The following FMNL1 variants were observed in gnomAD, a reference collection of about 807,000 sequenced individuals.
FMNL1 encodes formin like 1.
Under a neutral mutation model 121.3 loss-of-function variants are expected in FMNL1, and 43 were observed. That is an observed-to-expected ratio of 0.35 (90% CI 0.28 to 0.46). The LOEUF (loss-of-function observed/expected upper bound fraction) is 0.46, where lower values mean the gene tolerates loss of function less well. FMNL1 is among the 20% of genes least tolerant of loss of function. The probability of loss-of-function intolerance (pLI) is 1.00; values close to 1 mark genes in which losing one functional copy is unlikely to be tolerated. For synonymous variants in FMNL1, 613 were observed against 613.5 expected, an observed-to-expected ratio of 1.00 and a Z score of 0.01; for missense variants, 1,191 against 1,482.4, an observed-to-expected ratio of 0.80 and a Z score of 3.23.
chr17:45,222,338 G>C (rs2143108967), intron 1 of FMNL1, 85 bp downstream of exon 1: 2 of 1,060,398 alleles, frequency 1.9e-6, no homozygotes, highest in East Asian at 1.1e-4. Context: ...CCGCCCCCGG[G>C]GACTCAGGTG....
At chr17:45,235,787 G>T (rs1447632374) in intron 6 of FMNL1, among the ~76,000 whole-genome samples, 1 of 152,180 alleles carries the variant, frequency 6.6e-6, no homozygotes, top group Non-Finnish European at 1.5e-5. Flanking sequence ...CTGAACCCTG[G>T]CAGTGTGAAT....
At chr17:45,246,404 C>G in intron 25 of FMNL1, 74 bp downstream of exon 25, 1 of 1,612,910 alleles carries the variant, frequency 6.2e-7, no homozygotes, top group Non-Finnish European at 8.5e-7. Flanking sequence ...AATGCGCTAT[C>G]CTCTGGGGGA....
intron 1 of FMNL1, among the ~76,000 whole-genome samples, chr17:45,229,026 G>A (rs921240895): frequency 1.3e-5 from 2 of 149,430 alleles, no homozygotes; most frequent in African/African-American, 2.5e-5. Flanking sequence ...GAATGACCTC[G>A]CCTCCTTTGT....
intron 22 of FMNL1, 66 bp downstream of exon 22, chr17:45,245,482 G>T (rs1046598109): frequency 6.2e-7 from 1 of 1,609,392 alleles, no homozygotes; most frequent in Non-Finnish European, 8.5e-7. Context: ...CAGCCTGGAG[G>T]GGTGTGGCCG....
Position 45,243,320 on chromosome 17 carries a change from C to T in FMNL1, c.2213C>T (p.Ala738Val), listed in dbSNP as rs973119713. The T allele has an allele frequency of 5.6e-6, 9 of 1,612,894 alleles. No homozygotes were observed. The African/African-American group carries it at 6.7e-5, about 12-fold the overall frequency. ...GAERICQAIEAYDLQALGLDF... is the reference protein window; with the variant it reads ...GAERICQAIEVYDLQALGLDF... ...GAGCGCATCTGCCAAGCCATTGAGG[C>T]GTGAGTGTCCCTGTCCTGGGTTTGT... Residue 738 changes from alanine (A) to valine (V), a missense_variant and splice_region_variant, in exon 17 of 27, where the codon GCG becomes GTG. Transcript: ENST00000331495.
chr17:45,244,995 C>A lies in FMNL1; in HGVS notation c.2615C>A (p.Ser872Ter). ...CTTGTGCAGCTGTTGGAGATGAAGT[C>A]GACTGATCGCAAGCAGACGCTGCTG... The part of the protein sequence containing the change: ...QSLDALLEMK[S>*]TDRKQTLLHY... Residue 872 changes from serine to a stop codon, truncating the protein, a stop_gained, in exon 21 of 27, where the codon TCG becomes TAG. Coordinates refer to ENST00000331495, the MANE Select transcript of FMNL1 (RefSeq NM_005892.4). LOFTEE classifies it high-confidence loss of function. 1 of 1,613,628 alleles carries A rather than the reference C, an allele frequency of 6.2e-7. No individual in the cohort carries two copies. Among genetic ancestry groups the A allele is most frequent in the South Asian group, 1.1e-5 (1 of 91,048 alleles).
At chr17:45,242,220 C>T in intron 15 of FMNL1, 74 bp downstream of exon 15, 1 of 1,559,936 alleles carries the variant, frequency 6.4e-7, no homozygotes, top group Non-Finnish European at 8.7e-7. Context: ...CAGTGTCCTC[C>T]AGGGTCCTCT....
rs1567964670 is a variant in FMNL1 at position 45,237,243 on chromosome 17, GC to G, written c.724-35del. ...GCGTGGGTGCCTGAAGTCCTGGGGG[GC>G]CCTTCCTGGAGACACTGACCTCTCC... On this transcript the variant is annotated intron_variant, in intron 7 of 26. Transcript: ENST00000331495. The surrounding 1 kb of genome is among the most constrained non-coding windows in gnomAD (Gnocchi z 4.4). The G allele has an allele frequency of 6.2e-7, 1 of 1,605,638 alleles. No homozygotes were observed. The highest frequency in any genetic ancestry group is 1.7e-5 in the Admixed American group (1 of 59,950).
intron 6 of FMNL1, 78 bp downstream of exon 6, chr17:45,234,278 C>G: frequency 1.2e-6 from 2 of 1,608,972 alleles, no homozygotes; most frequent in Non-Finnish European, 1.7e-6. Context: ...CAGCCCACCC[C>G]GGGCCCTTGG....
rs1407740434 is a variant in FMNL1, at chr17:45,241,049, G to C, written c.1231-80G>C. 1 of 1,554,662 alleles carries C rather than the reference G, an allele frequency of 6.4e-7. No individual in the cohort carries two copies. Among genetic ancestry groups the C allele is most frequent in the Admixed American group, 1.7e-5 (1 of 57,560 alleles). On this transcript the variant is annotated intron_variant, in intron 12 of 26. Transcript: ENST00000331495. The surrounding 1 kb of genome is among the most constrained non-coding windows in gnomAD (Gnocchi z 7.0). ...GGAGCCTCCCCCAGTCTTCCAGGCA[G>C]GCATGCCTGATGCCGCCCCCTCACC...
At chr17:45,230,010 T>A (rs2143281790) in intron 1 of FMNL1, among the ~76,000 whole-genome samples, 1 of 152,280 alleles carries the variant, frequency 6.6e-6, no homozygotes, top group Non-Finnish European at 1.5e-5. Context: ...CTCAGCCTTC[T>A]CCTCCAAGTG....
intron 1 of FMNL1, 59 bp downstream of exon 1, chr17:45,222,312 G>T (rs1244516921): frequency 1.5e-5 from 17 of 1,132,596 alleles, no homozygotes; most frequent in Non-Finnish European, 1.6e-5. Flanking sequence ...GCGCGGCAGG[G>T]GCTGGGCGCG....
chr17:45,239,126 G>T, intron 11 of FMNL1, 61 bp downstream of exon 11: 1 of 1,405,908 alleles, frequency 7.1e-7, no homozygotes, highest in South Asian at 1.2e-5. Context: ...TGGCTGAGTG[G>T]TTAGCAGCAT....
chr17:45,237,145 T>G lies in FMNL1; in HGVS notation c.724-136T>G. On this transcript the variant is annotated intron_variant, in intron 7 of 26. Coordinates refer to ENST00000331495, the MANE Select transcript of FMNL1 (RefSeq NM_005892.4). This position sits in a 1 kb window ranked among gnomAD's most constrained non-coding sequence, Gnocchi z 4.4. ...AAAAAAAAATAGAAACAAGGCCAGG[T>G]TTTGGTGGCCACAGAAGTTGCGGTT... The G allele has an allele frequency of 2.9e-5, 20 of 685,488 alleles. No homozygotes were observed. The highest frequency in any genetic ancestry group is 1.1e-4 in the African/African-American group (5 of 45,928). The allele number at this position is 685,488 out of a possible 1,614,324, so 42.5% of individuals were successfully genotyped here.
chr17:45,239,353 G>A (rs922276305), intron 11 of FMNL1: 1 of 365,832 alleles, frequency 2.7e-6, no homozygotes, highest in Non-Finnish European at 5.1e-6. Flanking sequence ...CACCAGAACA[G>A]GTCAAGGTAG....
At position 45,243,944 on chromosome 17, in the gene FMNL1, C is replaced by T. The variant is rs777686105; in HGVS notation, c.2367C>T (p.Ser789=). 32 of 1,613,540 alleles carry T rather than the reference C, an allele frequency of 2.0e-5. 1 individual carries two copies. Among genetic ancestry groups the T allele is most frequent in the Non-Finnish European group, 2.5e-5 (30 of 1,180,050 alleles). Residue 789 remains serine (S), a synonymous_variant, in exon 18 of 27, where the codon AGC becomes AGT. Coordinates refer to ENST00000331495, the MANE Select transcript of FMNL1 (RefSeq NM_005892.4). ...AGGACCGCTTCATGCTATGCTTCAG[C>T]CGCATCCCGCGCCTGCCGGAGCGCA... ...SEEDRFMLCF[S]RIPRLPERMT...
At position 45,233,648 on chromosome 17, in the gene FMNL1, G is replaced by C; in HGVS notation, c.402G>C (p.Gly134=). The C allele has an allele frequency of 6.2e-7, 1 of 1,614,042 alleles. No homozygotes were observed. Among genetic ancestry groups the C allele is most frequent in the Non-Finnish European group, 8.5e-7 (1 of 1,179,970 alleles). Residue 134 remains glycine (G), a splice_region_variant and synonymous_variant, in exon 5 of 27, where the codon GGG becomes GGC. Coordinates refer to ENST00000331495, the MANE Select transcript of FMNL1 (RefSeq NM_005892.4). This position sits in a 1 kb window ranked among gnomAD's most constrained non-coding sequence, Gnocchi z 4.1. ...AGCTCAGGGAGCCCTGTGCCCACAG[G>C]TGGGTGCAGGAGTTCCTCAATGAAG... The part of the protein sequence containing the change: ...LETSLRTNHI[G]WVQEFLNEEN...
Position 45,234,556 on chromosome 17 carries a change from C to CAGG in FMNL1, c.614+358_614+360dup, listed in dbSNP as rs796279789. ...GTGCACGCCTGTAATCCTAGCTACT[C>CAGG]AGGAAGCTGAGGTGGGAGAATCGCT... On this transcript the variant is annotated intron_variant, in intron 6 of 26. Transcript: ENST00000331495. The CAGG allele has an allele frequency of 3.7e-5, 12 of 324,480 alleles. 3 individuals are homozygous for CAGG. Among genetic ancestry groups the CAGG allele is most frequent in the African/African-American group, 2.7e-4 (12 of 44,856 alleles). 20.1% of individuals were successfully genotyped at this position (324,480 alleles called of 1,614,324 possible).
rs552001905 is a variant in FMNL1 at position 45,230,528 on chromosome 17, T to C, written c.130-76T>C. On this transcript the variant is annotated intron_variant, in intron 1 of 26. Coordinates refer to ENST00000331495, the MANE Select transcript of FMNL1 (RefSeq NM_005892.4). ...CACCTCCTAGGGAGCCAAGTGGGTT[T>C]CCCCCAAATGCCCATTCTCCCCTCT... 2.0e-3 allele frequency: 2,831 copies of C among 1,411,564 alleles called. 4 individuals are homozygous for C. The highest frequency in any genetic ancestry group is 2.0e-3 in the Non-Finnish European group (2,012 of 1,003,386). The allele number at this position is 1,411,564 out of a possible 1,614,324, so 87.4% of individuals were successfully genotyped here.
Sources: allele counts gnomAD v4.1 joint callset (sites outside exome capture counted in the v4.1 genomes callset), GRCh38; gene constraint gnomAD v4.1.1; non-coding constraint Gnocchi (gnomAD v3.1); transcripts MANE v1.5; gene names NCBI Gene and HGNC (gene_info 2026-07-23, HGNC 2026-07-21).